Variants in DPP6 observed in about 807,000 individuals in gnomAD.
DPP6 encodes the protein A-type potassium channel modulatory protein DPP6.
Under a neutral mutation model 122.6 loss-of-function variants are expected in DPP6, and 69 were observed. The ratio of observed to expected loss-of-function variants is 0.56; its 90% CI spans 0.46 to 0.69. DPP6 has a LOEUF of 0.69. Among genes scored for constraint, DPP6 ranks in the 30% least tolerant of loss-of-function variants. The probability of loss-of-function intolerance (pLI) is 0.00; values close to 1 mark genes in which losing one functional copy is unlikely to be tolerated. For synonymous variants in DPP6, 418 were observed against 433.1 expected, an observed-to-expected ratio of 0.97 and a Z score of 0.43; for missense variants, 928 against 1,116.9, an observed-to-expected ratio of 0.83 and a Z score of 2.41.
chr7:153,961,731 C>T (rs1795363302), intron 1 of DPP6, among the ~76,000 whole-genome samples: 1 of 145,578 alleles, frequency 6.9e-6, no homozygotes, highest in Non-Finnish European at 1.5e-5. Flanking sequence ...TAGACAGTCG[C>T]ATCTGGGGAT....
the DPP6 span, among the ~76,000 whole-genome samples, chr7:153,811,396 A>G: frequency 6.6e-6 from 1 of 152,200 alleles, no homozygotes; most frequent in Non-Finnish European, 1.5e-5. Context: ...GAACCAAGGC[A>G]GCCCAATGAG....
At chr7:154,474,335 C>G (rs1586383271) in intron 2 of DPP6, among the ~76,000 whole-genome samples, 1 of 152,192 alleles carries the variant, frequency 6.6e-6, no homozygotes, top group African/African-American at 2.4e-5. Context: ...TGTTCACAGG[C>G]TTATCCCAAG....
intron 5 of DPP6, among the ~76,000 whole-genome samples, chr7:154,633,610 T>G (rs1270590564): frequency 2.0e-5 from 3 of 152,242 alleles, no homozygotes; most frequent in Non-Finnish European, 4.4e-5. Context: ...TTTATCTCTC[T>G]AAGGAACAAA....
intron 1 of DPP6, among the ~76,000 whole-genome samples, chr7:154,261,778 C>T (rs1172049674): frequency 6.6e-6 from 1 of 152,094 alleles, no homozygotes; most frequent in Non-Finnish European, 1.5e-5. Flanking sequence ...GGCCAACAAA[C>T]ATATGAAAAA....
the DPP6 span, among the ~76,000 whole-genome samples, chr7:153,807,439 A>G: frequency 6.6e-6 from 1 of 151,776 alleles, no homozygotes; most frequent in African/African-American, 2.4e-5. Context: ...AAAAAAAAAA[A>G]CAAAGACCAT....
intron 7 of DPP6, among the ~76,000 whole-genome samples, chr7:154,676,534 C>T (rs1456609815): frequency 6.6e-6 from 1 of 152,240 alleles, no homozygotes; most frequent in Non-Finnish European, 1.5e-5. Context: ...TGACCTGCTA[C>T]ACAGGCGTTC....
chr7:154,557,815 A>G (rs941633916), intron 4 of DPP6, among the ~76,000 whole-genome samples: 1 of 152,168 alleles, frequency 6.6e-6, no homozygotes, highest in Admixed American at 6.5e-5. Context: ...TTGCCAAGTT[A>G]AGAAGACAGA....
At chr7:154,016,950 T>G (rs374734886) in intron 1 of DPP6, among the ~76,000 whole-genome samples, 5 of 152,336 alleles carry the variant, frequency 3.3e-5, no homozygotes, top group South Asian at 4.1e-4. Flanking sequence ...TGGAGGATGT[T>G]AAGCCAAGAG....
intron 18 of DPP6, among the ~76,000 whole-genome samples, chr7:154,870,712 C>T (rs1371372227): frequency 6.6e-6 from 1 of 151,432 alleles, no homozygotes; most frequent in African/African-American, 2.4e-5. Context: ...CCTGTAATCC[C>T]AGCACTTTGG....
intron 5 of DPP6, among the ~76,000 whole-genome samples, chr7:154,636,963 A>G (rs28368740): frequency 0.014 from 2,093 of 152,318 alleles, 44 homozygotes; most frequent in African/African-American, 0.048. Flanking sequence ...AGTAAAGGAA[A>G]GGGTTGGGGG....
intron 5 of DPP6, among the ~76,000 whole-genome samples, chr7:154,608,339 A>ATTTT (rs760570719): frequency 2.5e-5 from 3 of 118,694 alleles, no homozygotes; most frequent in African/African-American, 2.9e-5. Flanking sequence ...ATATATATAT[A>ATTTT]TATTTTGAGA....
intron 3 of DPP6, among the ~76,000 whole-genome samples, chr7:154,510,127 G>T (rs959398174): frequency 5.9e-5 from 9 of 152,094 alleles, no homozygotes; most frequent in Non-Finnish European, 1.2e-4. Flanking sequence ...AAAATGAAAG[G>T]TAATATATGC....
At chr7:154,810,223 G>C (rs796211971) in intron 16 of DPP6, among the ~76,000 whole-genome samples, 14 of 152,300 alleles carry the variant, frequency 9.2e-5, no homozygotes, top group African/African-American at 3.4e-4. Context: ...TCAAGCTCAA[G>C]TTCAGTCTGG....
the DPP6 span, among the ~76,000 whole-genome samples, chr7:153,869,514 C>T: frequency 6.6e-6 from 1 of 152,158 alleles, no homozygotes; most frequent in African/African-American, 2.4e-5. Flanking sequence ...GGTAGATCTT[C>T]CTCCATCCCT....
At chr7:154,254,187 GGGGGTTTAACAAATT>G (rs1416815711) in intron 1 of DPP6, among the ~76,000 whole-genome samples, 1 of 152,126 alleles carries the variant, frequency 6.6e-6, no homozygotes, top group Non-Finnish European at 1.5e-5. Context: ...ATGAAGAAAT[GGGGGTTTAACAAATT>G]GCCCAAGATG....
At position 154,693,289 on chromosome 7, in the gene DPP6, C is replaced by T. The variant is rs529006950; in HGVS notation, c.762+23848C>T. Among the ~76,000 whole-genome samples the T allele has an allele frequency of 2.6e-5, 4 of 152,192 alleles. No homozygotes were observed. The South Asian group carries it at 8.3e-4, about 32-fold the overall frequency. Reference sequence around the variant, plus strand: ...CGCTGACGTGGCCGAGAAGGAAGGCCCTTACTATGAGGCTTCCGTTAAGTC... The same window carrying T: ...CGCTGACGTGGCCGAGAAGGAAGGCTCTTACTATGAGGCTTCCGTTAAGTC... On this transcript the variant is annotated intron_variant, in intron 7 of 25. Coordinates refer to ENST00000377770, the MANE Select transcript of DPP6 (RefSeq NM_130797.4).
the DPP6 span, among the ~76,000 whole-genome samples, chr7:153,872,387 ATACTG>A: frequency 1.3e-5 from 2 of 152,194 alleles, no homozygotes; most frequent in East Asian, 1.9e-4. Flanking sequence ...ATAATAAATA[ATACTG>A]TGGGCCATGG....
chr7:154,155,344 T>G (rs1266407994), intron 1 of DPP6, among the ~76,000 whole-genome samples: 9 of 152,200 alleles, frequency 5.9e-5, no homozygotes, highest in South Asian at 2.1e-4. Context: ...CCCTGAACTC[T>G]GTTATGTGGC....
intron 7 of DPP6, among the ~76,000 whole-genome samples, chr7:154,682,421 A>G (rs1839337244): frequency 6.6e-6 from 1 of 152,244 alleles, no homozygotes; most frequent in African/African-American, 2.4e-5. Flanking sequence ...TCGTCTCCGC[A>G]GTGTCATAAG....
Sources: allele counts gnomAD v4.1 joint callset (sites outside exome capture counted in the v4.1 genomes callset), GRCh38; gene constraint gnomAD v4.1.1; transcripts MANE v1.5; gene names NCBI Gene and HGNC (gene_info 2026-07-23, HGNC 2026-07-21).